The following XIRP2 variants were observed in gnomAD, a reference collection of about 807,000 sequenced individuals.
XIRP2 encodes xin actin-binding repeat-containing protein 2.
In XIRP2, 236 loss-of-function variants were observed where a neutral mutation model predicts 277.0. The observed-to-expected ratio is 0.85, with a 90% CI of 0.77 to 0.95. The LOEUF (loss-of-function observed/expected upper bound fraction) is 0.95, where lower values mean the gene tolerates loss of function less well. Ranked by LOEUF, XIRP2 falls within the 40% of genes least tolerant of loss-of-function variation. The probability of loss-of-function intolerance (pLI) is 0.00; values close to 1 mark genes in which losing one functional copy is unlikely to be tolerated. For missense variants in XIRP2, 4,640 were observed against 4,157.5 expected (o/e 1.12, Z -3.19); for synonymous variants, 1,490 against 1,416.5 (o/e 1.05, Z -1.17).
At chr2:167,084,464 T>A (rs1341355107) in intron 2 of XIRP2, among the ~76,000 whole-genome samples, 2 of 151,058 alleles carry the variant, frequency 1.3e-5, no homozygotes, top group Non-Finnish European at 3.0e-5. Context: ...ATAAAATGAG[T>A]TAGGGAGGAT....
At chr2:167,096,121 T>C (rs761464387) in intron 2 of XIRP2, among the ~76,000 whole-genome samples, 1 of 151,832 alleles carries the variant, frequency 6.6e-6, no homozygotes, top group Non-Finnish European at 1.5e-5. Flanking sequence ...TCAGAAGGAA[T>C]GGTGCCAGCT....
At chr2:167,081,587 T>G in intron 2 of XIRP2, among the ~76,000 whole-genome samples, 1 of 152,230 alleles carries the variant, frequency 6.6e-6, no homozygotes, top group Non-Finnish European at 1.5e-5. Flanking sequence ...CACAATAAAG[T>G]GTTTTCAGTT....
At chr2:167,189,897 T>C (rs924623952) in intron 3 of XIRP2, among the ~76,000 whole-genome samples, 1 of 152,144 alleles carries the variant, frequency 6.6e-6, no homozygotes, top group Admixed American at 6.6e-5. Flanking sequence ...CAGCCACTAA[T>C]GGAGTGCCCA....
At chr2:167,148,037 A>C (rs974464032) in intron 3 of XIRP2, among the ~76,000 whole-genome samples, 5 of 152,104 alleles carry the variant, frequency 3.3e-5, no homozygotes, top group Non-Finnish European at 5.9e-5. Context: ...TAGAGTGATA[A>C]ATTTTTAAAC....
At chr2:167,220,072 G>T (rs76641630) in intron 5 of XIRP2, among the ~76,000 whole-genome samples, 6,089 of 152,208 alleles carry the variant, frequency 0.04, 163 homozygotes, top group Non-Finnish European at 0.061. Flanking sequence ...GGGAGTTTTG[G>T]AAACCAGACA....
intron 2 of XIRP2, among the ~76,000 whole-genome samples, chr2:166,921,443 A>T (rs1685037498): frequency 6.6e-6 from 1 of 152,040 alleles, no homozygotes; most frequent in Non-Finnish European, 1.5e-5. Flanking sequence ...TCTCATCTAC[A>T]TGGCAATCAT....
At chr2:166,905,664 T>G (rs543514822) in intron 2 of XIRP2, among the ~76,000 whole-genome samples, 1 of 152,072 alleles carries the variant, frequency 6.6e-6, no homozygotes, top group Admixed American at 6.6e-5. Flanking sequence ...ATTTAAAAAT[T>G]TCTTATCCAT....
intron 3 of XIRP2, among the ~76,000 whole-genome samples, chr2:167,194,791 C>T (rs60851700): frequency 0.1 from 15,779 of 152,050 alleles, 1,692 homozygotes; most frequent in African/African-American, 0.28. Context: ...ATCAGAGATA[C>T]TAGTAGTATC....
chr2:167,141,337 A>G (rs1574291581), intron 3 of XIRP2, among the ~76,000 whole-genome samples: 1 of 152,144 alleles, frequency 6.6e-6, no homozygotes, highest in East Asian at 1.9e-4. Context: ...GGCAGGAACT[A>G]TTCTAGGTGC....
At chr2:167,028,181 C>G (rs936842873) in intron 2 of XIRP2, among the ~76,000 whole-genome samples, 4 of 151,960 alleles carry the variant, frequency 2.6e-5, no homozygotes, top group Non-Finnish European at 4.4e-5. Flanking sequence ...TACTCTAAGC[C>G]AGGCATTGTA....
chr2:166,940,662 A>G (rs1685680408), intron 2 of XIRP2, among the ~76,000 whole-genome samples: 2 of 152,238 alleles, frequency 1.3e-5, no homozygotes, highest in African/African-American at 4.8e-5. Flanking sequence ...TTTCCTTCTA[A>G]CAGTCAGGAC....
At chr2:166,952,799 C>T (rs956523413) in intron 2 of XIRP2, among the ~76,000 whole-genome samples, 9 of 151,708 alleles carry the variant, frequency 5.9e-5, no homozygotes, top group Admixed American at 4.6e-4. Context: ...AGCAGTGTTT[C>T]AACAAATGAA....
chr2:167,139,534 C>A (rs1330753627), intron 3 of XIRP2, among the ~76,000 whole-genome samples: 1 of 152,064 alleles, frequency 6.6e-6, no homozygotes, highest in Non-Finnish European at 1.5e-5. Context: ...ATTCTTTATT[C>A]TTATAATGGC....
intron 2 of XIRP2, among the ~76,000 whole-genome samples, chr2:167,007,649 T>G (rs1434392704): frequency 6.6e-6 from 1 of 150,760 alleles, no homozygotes; most frequent in Non-Finnish European, 1.5e-5. Context: ...TTATAAATTT[T>G]TAATATACAT....
In XIRP2 at chr2:167,251,809, C is replaced by T; in HGVS notation, c.10417C>T (p.Pro3473Ser). 6.2e-7 allele frequency: 1 copy of T among 1,613,108 alleles called. No individual in the cohort carries two copies. The highest frequency in any genetic ancestry group is 8.5e-7 in the Non-Finnish European group (1 of 1,179,528). The stretch of plus-strand genomic sequence containing the variant: ...ACATATTTTAGATATCTCTGATTCA[C>T]CTAAAGAAGTAAGAAAAAATTTTCA... ...AGHILDISDS[P>S]KEVRKNFQKT... The change falls in exon 9 of 11, where the codon CCT becomes TCT. Residue 3473 changes from proline (P) to serine (S), a missense_variant. Coordinates refer to ENST00000409195, the MANE Select transcript of XIRP2 (RefSeq NM_152381.6).
chr2:167,171,470 T>C (rs909572813), intron 3 of XIRP2, among the ~76,000 whole-genome samples: 1 of 152,172 alleles, frequency 6.6e-6, no homozygotes, highest in Non-Finnish European at 1.5e-5. Context: ...AATTACTAGT[T>C]TGCTATATAT....
chr2:166,976,370 C>T lies in XIRP2; in HGVS notation c.408+72480C>T, dbSNP rs371258824. On this transcript the variant is annotated intron_variant, in intron 2 of 10. Coordinates refer to ENST00000409195, the MANE Select transcript of XIRP2 (RefSeq NM_152381.6). ...TGTTATCAGCTGAAATGTGTTCTATCTGTCTTGTTTCTTGCTTTGCTACTT... is the reference window on the plus strand; with the variant it reads ...TGTTATCAGCTGAAATGTGTTCTATTTGTCTTGTTTCTTGCTTTGCTACTT... Among the ~76,000 whole-genome samples, 4 of 152,208 alleles carry T rather than the reference C, an allele frequency of 2.6e-5. No homozygotes were observed. In the East Asian group the frequency reaches 7.7e-4, roughly 29 times the overall value.
chr2:166,910,730 G>A (rs1215060279), intron 2 of XIRP2, among the ~76,000 whole-genome samples: 1 of 152,074 alleles, frequency 6.6e-6, no homozygotes, highest in East Asian at 1.9e-4. Flanking sequence ...GATTTTTCCT[G>A]CTTTCTCTTG....
chr2:166,965,902 T>TC (rs1182622493), intron 2 of XIRP2, among the ~76,000 whole-genome samples: 1 of 149,028 alleles, frequency 6.7e-6, no homozygotes, highest in African/African-American at 2.4e-5. Flanking sequence ...TTTGATTTCT[T>TC]TTTTTTTTAC....
Sources: gnomAD v4.1 joint callset for allele counts (sites outside exome capture counted in the v4.1 genomes callset) on GRCh38, gnomAD v4.1.1 for gene constraint, MANE v1.5 for transcripts, NCBI Gene and HGNC (gene_info 2026-07-23, HGNC 2026-07-21) for gene names.